The following DOK5 variants were observed in gnomAD, a reference collection of about 807,000 sequenced individuals.
The protein encoded by DOK5 is downstream of tyrosine kinase 5.
In DOK5, 27 loss-of-function variants were observed where a neutral mutation model predicts 43.3. The observed-to-expected ratio is 0.62, with a 90% confidence interval of 0.46 to 0.86. The LOEUF is 0.86. Ranked by LOEUF, DOK5 falls within the 40% of genes least tolerant of loss-of-function variation. The probability of loss-of-function intolerance (pLI) is 0.00; values close to 1 mark genes in which losing one functional copy is unlikely to be tolerated. For synonymous variants in DOK5, 146 were observed against 140.1 expected, an observed-to-expected ratio of 1.04 and a Z score of -0.30; for missense variants, 373 against 392.9, an observed-to-expected ratio of 0.95 and a Z score of 0.43.
intron 6 of DOK5, among the ~76,000 whole-genome samples, chr20:54,624,543 C>A (rs987592798): frequency 6.6e-6 from 1 of 152,100 alleles, no homozygotes; most frequent in African/African-American, 2.4e-5. Flanking sequence ...GCCAAAATAC[C>A]AAGTCCAGTT....
chr20:54,641,503 A>T (rs5024845), intron 6 of DOK5, among the ~76,000 whole-genome samples: 47,124 of 149,496 alleles, frequency 0.32, 8,370 homozygotes, highest in East Asian at 0.48. Context: ...AAATTTTTAA[A>T]AAAAAAATCC....
chr20:54,583,525 T>C (rs1985702867), intron 2 of DOK5, among the ~76,000 whole-genome samples: 1 of 152,208 alleles, frequency 6.6e-6, no homozygotes, highest in Non-Finnish European at 1.5e-5. Flanking sequence ...CTCTCTTCAA[T>C]TCTATCAATC....
At chr20:54,514,345 A>G (rs994365231) in intron 1 of DOK5, among the ~76,000 whole-genome samples, 6 of 152,168 alleles carry the variant, frequency 3.9e-5, no homozygotes, top group Admixed American at 1.3e-4. Context: ...ATATGTTAAG[A>G]GTTTGTAGGA....
intron 1 of DOK5, among the ~76,000 whole-genome samples, chr20:54,552,583 GCTA>G (rs1450828878): frequency 6.6e-6 from 1 of 151,728 alleles, no homozygotes; most frequent in East Asian, 1.9e-4. Flanking sequence ...ACTTTATATA[GCTA>G]CTAATGTTGC....
chr20:54,548,630 A>G (rs1984424617), intron 1 of DOK5, among the ~76,000 whole-genome samples: 1 of 152,246 alleles, frequency 6.6e-6, no homozygotes, highest in Non-Finnish European at 1.5e-5. Context: ...AAGTCAATTT[A>G]AAGAAAAATG....
intron 5 of DOK5, among the ~76,000 whole-genome samples, chr20:54,601,110 T>C (rs960317398): frequency 2.0e-5 from 3 of 152,166 alleles, no homozygotes; most frequent in African/African-American, 7.2e-5. Context: ...AGGGAAGTGT[T>C]AGGGACCCTC....
chr20:54,584,570 G>A (rs1985740271), intron 2 of DOK5, among the ~76,000 whole-genome samples: 1 of 150,770 alleles, frequency 6.6e-6, no homozygotes, highest in African/African-American at 2.4e-5. Flanking sequence ...AAAATTAAAA[G>A]CTGTTTATAC....
rs1287199087 is a variant in DOK5 at position 54,498,819 on chromosome 20, AC to A, written c.66+22808del. ...GATTTTCACTCTTTAGCCAAAAAAGACTTTTTTTCTCCCCTGTGGAAGAATA... is the reference window on the plus strand; with the variant it reads ...GATTTTCACTCTTTAGCCAAAAAAGATTTTTTTCTCCCCTGTGGAAGAATA... On this transcript the variant is annotated intron_variant, in intron 1 of 7. Transcript: ENST00000262593. 8.5e-5 allele frequency among the ~76,000 whole-genome samples: 13 copies of A among 152,178 alleles called. No individual in the cohort carries two copies. The East Asian group carries it at 2.1e-3, about 25-fold the overall frequency.
At chr20:54,576,088 TAGAA>T (rs1469727249) in intron 2 of DOK5, among the ~76,000 whole-genome samples, 1 of 151,842 alleles carries the variant, frequency 6.6e-6, no homozygotes, top group African/African-American at 2.4e-5. Context: ...TGAAAAGAAT[TAGAA>T]AGAATAAAAG....
chr20:54,626,925 T>G (rs540859286), intron 6 of DOK5, among the ~76,000 whole-genome samples: 25 of 152,314 alleles, frequency 1.6e-4, no homozygotes, highest in Non-Finnish European at 3.2e-4. Context: ...AGCTACATCC[T>G]CCCTGTTCAT....
chr20:54,476,232 A>G, intron 1 of DOK5: 1 of 982,470 alleles, frequency 1.0e-6, no homozygotes. Flanking sequence ...TGGCTTTCTG[A>G]TGGTGGCCGC....
At chr20:54,534,537 A>C (rs974168461) in intron 1 of DOK5, among the ~76,000 whole-genome samples, 20 of 152,162 alleles carry the variant, frequency 1.3e-4, no homozygotes, top group African/African-American at 4.6e-4. Context: ...CACATTGCTT[A>C]AGTGTCTGAG....
At chr20:54,518,048 T>C (rs1290962662) in intron 1 of DOK5, among the ~76,000 whole-genome samples, 1 of 152,198 alleles carries the variant, frequency 6.6e-6, no homozygotes, top group Non-Finnish European at 1.5e-5. Context: ...AGTACTGTGC[T>C]GAGTACTCTA....
In DOK5 at chr20:54,482,449, G is replaced by C. The variant is rs562196106; in HGVS notation, c.66+6437G>C. Among the ~76,000 whole-genome samples the C allele has an allele frequency of 1.1e-4, 16 of 152,292 alleles. 1 individual carries two copies. The South Asian group carries it at 3.1e-3, about 30-fold the overall frequency. On this transcript the variant is annotated intron_variant, in intron 1 of 7. Transcript: ENST00000262593. ...GCATTTTTTATGGTACCATGACAAA[G>C]TCATAATCGTAGTATGAAAATTATA...
intron 4 of DOK5, 85 bp downstream of exon 4, chr20:54,588,891 A>G: frequency 6.9e-7 from 1 of 1,453,912 alleles, no homozygotes; most frequent in Non-Finnish European, 9.3e-7. Context: ...CATTATGTAA[A>G]GTTTTTGGGG....
intron 2 of DOK5, among the ~76,000 whole-genome samples, chr20:54,580,046 T>G (rs1013152712): frequency 6.6e-6 from 1 of 152,158 alleles, no homozygotes; most frequent in Non-Finnish European, 1.5e-5. Flanking sequence ...TTTTCTTTCT[T>G]GTGACAGTTT....
At chr20:54,479,850 A>C (rs114411432) in intron 1 of DOK5, among the ~76,000 whole-genome samples, 1 of 152,200 alleles carries the variant, frequency 6.6e-6, no homozygotes, top group African/African-American at 2.4e-5. Flanking sequence ...GAAGGTAAAA[A>C]TCACAAGCGA....
At chr20:54,584,316 C>T (rs1985732177) in intron 2 of DOK5, among the ~76,000 whole-genome samples, 1 of 151,666 alleles carries the variant, frequency 6.6e-6, no homozygotes, top group African/African-American at 2.4e-5. Flanking sequence ...ATTCCTTCCT[C>T]ATTTTCTTTT....
chr20:54,618,707 A>G (rs1337922297), intron 6 of DOK5, among the ~76,000 whole-genome samples: 2 of 152,042 alleles, frequency 1.3e-5, no homozygotes, highest in Non-Finnish European at 2.9e-5. Flanking sequence ...ATCAATGTAT[A>G]ATATATCTTT....
Sources: allele counts gnomAD v4.1 joint callset (sites outside exome capture counted in the v4.1 genomes callset), GRCh38; gene constraint gnomAD v4.1.1; transcripts MANE v1.5; gene names NCBI Gene and HGNC (gene_info 2026-07-23, HGNC 2026-07-21).